The following PRKCE variants were observed in gnomAD, a reference collection of about 807,000 sequenced individuals.
The protein encoded by PRKCE is protein kinase C epsilon, also known as protein kinase C epsilon type.
In PRKCE, 16 loss-of-function variants were observed where a neutral mutation model predicts 85.4. The observed-to-expected ratio is 0.19, with a 90% CI of 0.13 to 0.28. The LOEUF (loss-of-function observed/expected upper bound fraction) is 0.28. PRKCE is among the 10% of genes least tolerant of loss of function. The pLI is 1.00. For missense variants in PRKCE, 573 were observed against 975.2 expected, an observed-to-expected ratio of 0.59 and a Z score of 5.49; for synonymous variants, 388 against 371.5, an observed-to-expected ratio of 1.04 and a Z score of -0.51.
intron 2 of PRKCE, among the ~76,000 whole-genome samples, chr2:45,968,725 C>T: frequency 6.6e-6 from 1 of 152,162 alleles, no homozygotes; most frequent in Non-Finnish European, 1.5e-5. Context: ...CCTGACCCCA[C>T]ATGAGGAGGG....
chr2:45,775,976 C>A (rs1182782979), intron 1 of PRKCE, among the ~76,000 whole-genome samples: 5 of 152,180 alleles, frequency 3.3e-5, no homozygotes, highest in Admixed American at 3.3e-4. Context: ...ATCACTGAAA[C>A]CCCACTTCAA....
intron 3 of PRKCE, 105 bp downstream of exon 3, chr2:45,976,693 C>G (rs1702476849): frequency 7.5e-7 from 1 of 1,334,804 alleles, no homozygotes; most frequent in African/African-American, 1.5e-5. Flanking sequence ...GCTGGTGTGC[C>G]TCGTTTCTTC....
chr2:45,767,536 G>A (rs980702792), intron 1 of PRKCE, among the ~76,000 whole-genome samples: 2 of 152,232 alleles, frequency 1.3e-5, no homozygotes, highest in African/African-American at 4.8e-5. Flanking sequence ...GGAAGGCACT[G>A]GTTTGGGCTT....
chr2:46,092,976 A>G (rs1467896703), intron 11 of PRKCE, among the ~76,000 whole-genome samples: 6 of 152,172 alleles, frequency 3.9e-5, no homozygotes, highest in South Asian at 2.1e-4. Flanking sequence ...TAATACAAAG[A>G]AAGGGAGGAG....
At chr2:45,965,756 C>T (rs936668998) in intron 2 of PRKCE, among the ~76,000 whole-genome samples, 1 of 152,122 alleles carries the variant, frequency 6.6e-6, no homozygotes, top group Admixed American at 6.5e-5. Flanking sequence ...ATTTTCCATC[C>T]ACAGTCTTGC....
intron 1 of PRKCE, among the ~76,000 whole-genome samples, chr2:45,790,331 C>G (rs1272189081): frequency 1.3e-5 from 2 of 152,068 alleles, no homozygotes; most frequent in African/African-American, 2.4e-5. Flanking sequence ...GAAAATGTGT[C>G]GAGGGTGGCA....
Position 45,871,299 on chromosome 2 carries a change from C to T in PRKCE, c.412+28236C>T, listed in dbSNP as rs1573689355. 2.6e-5 allele frequency among the ~76,000 whole-genome samples: 4 copies of T among 152,308 alleles called. No individual in the cohort carries two copies. The South Asian group carries it at 8.3e-4, about 32-fold the overall frequency. On this transcript the variant is annotated intron_variant, in intron 2 of 14. Transcript: ENST00000306156. Reference sequence around the variant, plus strand: ...TCCCTGGTGAAAACAAACGGAAGGTCATGCAGGTTCACACGTGCAATTGCA... The same window carrying T: ...TCCCTGGTGAAAACAAACGGAAGGTTATGCAGGTTCACACGTGCAATTGCA...
At chr2:46,111,369 T>C (rs1558466461) in intron 11 of PRKCE, among the ~76,000 whole-genome samples, 1 of 152,210 alleles carries the variant, frequency 6.6e-6, no homozygotes, top group South Asian at 2.1e-4. Flanking sequence ...TTCATGCATT[T>C]AGAGTATACA....
At chr2:45,684,354 T>C (rs1359956551) in intron 1 of PRKCE, among the ~76,000 whole-genome samples, 1 of 152,202 alleles carries the variant, frequency 6.6e-6, no homozygotes, top group Non-Finnish European at 1.5e-5. Context: ...GAAATGACGC[T>C]GGGGAGGATC....
chr2:45,670,901 G>A (rs1342090156), intron 1 of PRKCE, among the ~76,000 whole-genome samples: 1 of 152,214 alleles, frequency 6.6e-6, no homozygotes, highest in African/African-American at 2.4e-5. Context: ...AATACCTTCT[G>A]TGGCCTGAAA....
chr2:45,712,420 T>A (rs1036521914), intron 1 of PRKCE, among the ~76,000 whole-genome samples: 3 of 152,130 alleles, frequency 2.0e-5, no homozygotes, highest in Admixed American at 6.5e-5. Flanking sequence ...CCTTCCAAAG[T>A]GCTGGGATTA....
At chr2:45,671,152 T>C (rs1171827786) in intron 1 of PRKCE, among the ~76,000 whole-genome samples, 1 of 152,244 alleles carries the variant, frequency 6.6e-6, no homozygotes. Context: ...CTCAGGAGAC[T>C]GCACAATGGG....
At position 46,161,502 on chromosome 2, in the gene PRKCE, C is replaced by T. The variant is rs141035033; in HGVS notation, c.2067+1750C>T. ...CTCGAGTCTCCAGGTCTCAGCAAAA[C>T]CACATTAAACCAGGCTTATGGAGCA... On this transcript the variant is annotated intron_variant, in intron 14 of 14. Coordinates refer to ENST00000306156, the MANE Select transcript of PRKCE (RefSeq NM_005400.3). Among the ~76,000 whole-genome samples the T allele has an allele frequency of 4.7e-3, 719 of 152,210 alleles. 8 individuals carry two copies. The highest frequency in any genetic ancestry group is 0.016 in the African/African-American group (683 of 41,512).
At chr2:46,036,235 G>A (rs1294096704) in intron 10 of PRKCE, among the ~76,000 whole-genome samples, 1 of 152,232 alleles carries the variant, frequency 6.6e-6, no homozygotes, top group South Asian at 2.1e-4. Flanking sequence ...GTGGGATGAG[G>A]TGGGGTCAGA....
chr2:46,031,591 C>CATGT (rs3221917), intron 10 of PRKCE, among the ~76,000 whole-genome samples: 1 of 144,028 alleles, frequency 6.9e-6, no homozygotes, highest in Non-Finnish European at 1.5e-5. Context: ...ACATTCTGCT[C>CATGT]GTGTGTGTGT....
rs1257053260 is a variant in PRKCE at position 45,984,556 on chromosome 2, C to G, written c.699C>G (p.Gly233=). The G allele has an allele frequency of 6.3e-7, 1 of 1,599,604 alleles. No individual in the cohort carries two copies. Among genetic ancestry groups the G allele is most frequent in the Non-Finnish European group, 8.5e-7 (1 of 1,179,852 alleles). ...LKKQETPDQV[G]SQRFSVNMPH... ...GTATCTTGCCATCCCTGCAGGTGGG[C>G]TCCCAGCGGTTCAGCGTCAACATGC... The change falls in exon 6 of 15, where the codon GGC becomes GGG. Residue 233 remains glycine, a synonymous_variant. Transcript: ENST00000306156.
intron 1 of PRKCE, among the ~76,000 whole-genome samples, chr2:45,806,210 A>G (rs1033204856): frequency 6.6e-6 from 1 of 152,166 alleles, no homozygotes; most frequent in Non-Finnish European, 1.5e-5. Context: ...TGCTTCGGGA[A>G]TCCTGGCTGG....
rs1015362015 is a variant in PRKCE at position 46,068,604 on chromosome 2, A to T, written c.1438-17604A>T. Among the ~76,000 whole-genome samples the T allele has an allele frequency of 1.3e-5, 2 of 152,230 alleles. No individual in the cohort carries two copies. Among genetic ancestry groups the T allele is most frequent in the Admixed American group, 1.3e-4 (2 of 15,280 alleles). On this transcript the variant is annotated intron_variant, in intron 10 of 14. Transcript: ENST00000306156. This position sits in a 1 kb window ranked among gnomAD's most constrained non-coding sequence, Gnocchi z 4.3. ...AATGGTAGAAGGTTGTCACATACAG[A>T]ATAAGATCAATCATCAGATGTGTAG...
At chr2:45,716,606 GAGA>G (rs879888426) in intron 1 of PRKCE, among the ~76,000 whole-genome samples, 62 of 143,794 alleles carry the variant, frequency 4.3e-4, no homozygotes, top group Middle Eastern at 7.2e-3. Flanking sequence ...GAAGGAGAGG[GAGA>G]AGAAGAAGAA....
Sources: allele counts gnomAD v4.1 joint callset (sites outside exome capture counted in the v4.1 genomes callset), GRCh38; gene constraint gnomAD v4.1.1; non-coding constraint Gnocchi (gnomAD v3.1); transcripts MANE v1.5; gene names NCBI Gene and HGNC (gene_info 2026-07-23, HGNC 2026-07-21).